ZWILCH: variants seen among roughly 807,000 people sequenced by gnomAD.
ZWILCH encodes the protein protein zwilch homolog.
In ZWILCH, 74 loss-of-function variants were observed where a neutral mutation model predicts 79.9. That is an observed-to-expected ratio of 0.93 (90% CI 0.77 to 1.12). The LOEUF (loss-of-function observed/expected upper bound fraction) is 1.12, where lower values mean the gene tolerates loss of function less well. Among genes scored for constraint, ZWILCH ranks in the 50% most tolerant of loss-of-function variants. The probability of loss-of-function intolerance (pLI) is 0.00; values close to 1 mark genes in which losing one functional copy is unlikely to be tolerated. For missense variants in ZWILCH, 694 were observed against 687.5 expected (o/e 1.01, Z -0.11); for synonymous variants, 241 against 228.2 (o/e 1.06, Z -0.51).
rs1203717295 is a variant in ZWILCH, at chr15:66,536,066, C to A, written c.1475C>A (p.Thr492Lys). Residue 492 changes from threonine to lysine, a missense_variant, in exon 15 of 19, where the codon ACA becomes AAA. Coordinates refer to ENST00000307897, the MANE Select transcript of ZWILCH (RefSeq NM_017975.5). ...KSQHELLFSL[T>K]QICIKYYKQN... ...CAACATGAACTCCTCTTTTCTTTAA[C>A]ACAGTAAGTACATCTGTATTCTTCA... 6.2e-7 allele frequency: 1 copy of A among 1,604,196 alleles called. No homozygotes were observed. Among genetic ancestry groups the A allele is most frequent in the Non-Finnish European group, 8.5e-7 (1 of 1,175,702 alleles).
chr15:66,510,502 A>G (rs1181801501), intron 2 of ZWILCH, among the ~76,000 whole-genome samples: 1 of 152,210 alleles, frequency 6.6e-6, no homozygotes, highest in Non-Finnish European at 1.5e-5. Flanking sequence ...TCACTGTCTG[A>G]ATTCTCACTA....
Position 66,540,201 on chromosome 15 carries a change from C to T in ZWILCH, c.1678C>T (p.His560Tyr), listed in dbSNP as rs1895150484. 1.9e-6 allele frequency: 3 copies of T among 1,607,918 alleles called. No homozygotes were observed. The highest frequency in any genetic ancestry group is 2.6e-6 in the Non-Finnish European group (3 of 1,175,856). The change falls in exon 17 of 19, where the codon CAC becomes TAC. Residue 560 changes from histidine to tyrosine, a missense_variant. Transcript: ENST00000307897. ...CTCACCCATAGACCATCTGAATTTT[C>T]ACAAACCTGGTAAAGATGGTTTATA... ...DSSPIDHLNFHKPDFSELTLN... is the reference protein window; with the variant it reads ...DSSPIDHLNFYKPDFSELTLN...
intron 16 of ZWILCH, 95 bp downstream of exon 16, chr15:66,537,358 G>A (rs1895048282): frequency 3.6e-6 from 3 of 844,396 alleles, no homozygotes; most frequent in African/African-American, 1.7e-5. Context: ...AGGAGTTCGA[G>A]ACCAGCCTGG....
In ZWILCH at chr15:66,515,625, T is replaced by G. The variant is rs1203399721; in HGVS notation, c.301T>G (p.Leu101Val). The part of the protein sequence containing the change: ...STGENVGPLA[L>V]PVGKARQLIG... ...TGGCGAAAATGTTGGACCACTTGCT[T>G]TACCAGTTGGGAAGGCAAGGTAGGT... Residue 101 changes from leucine to valine, a missense_variant, in exon 4 of 19, where the codon TTA becomes GTA. Leu to Val is a conservative substitution (Grantham distance 32). Transcript: ENST00000307897. The G allele has an allele frequency of 6.2e-7, 1 of 1,613,342 alleles. No individual in the cohort carries two copies. Among genetic ancestry groups the G allele is most frequent in the African/African-American group, 1.3e-5 (1 of 74,892 alleles).
At chr15:66,540,876 C>T (rs1321373180) in intron 17 of ZWILCH, among the ~76,000 whole-genome samples, 2 of 151,656 alleles carry the variant, frequency 1.3e-5, no homozygotes, top group Non-Finnish European at 2.9e-5. Context: ...ATCCACCTGC[C>T]TCAGCCTCCC....
In ZWILCH at chr15:66,549,457, G is replaced by A. The variant is rs1895512229; in HGVS notation, c.*1133G>A. 6.6e-6 allele frequency: 1 copy of A among 152,166 alleles called. No individual in the cohort carries two copies. The allele number at this position is 152,166 out of a possible 1,614,324, so 9.4% of individuals were successfully genotyped here. On this transcript the variant is annotated 3_prime_UTR_variant, in exon 19 of 19. Transcript: ENST00000307897. ...ATATTTCTCTGATTGCCCTTATGGA[G>A]AAATAAAGATAAAATTCAAAGAAAC... is the stretch of plus-strand genomic sequence containing the variant.
intron 12 of ZWILCH, among the ~76,000 whole-genome samples, chr15:66,529,807 A>G (rs1423077763): frequency 6.6e-6 from 1 of 152,204 alleles, no homozygotes; most frequent in Non-Finnish European, 1.5e-5. Flanking sequence ...TATCCATGTA[A>G]TGCACCTAGT....
intron 17 of ZWILCH, among the ~76,000 whole-genome samples, chr15:66,545,651 CT>C (rs1895346505): frequency 6.6e-6 from 1 of 152,140 alleles, no homozygotes; most frequent in Non-Finnish European, 1.5e-5. Context: ...TTGGCTTGAA[CT>C]TTATAACCTC....
chr15:66,517,008 T>A (rs1372459855), intron 4 of ZWILCH, among the ~76,000 whole-genome samples: 1 of 152,232 alleles, frequency 6.6e-6, no homozygotes, highest in African/African-American at 2.4e-5. Context: ...TTTACCTCTT[T>A]TTGGAAGTAA....
intron 4 of ZWILCH, 103 bp from the exon 5 acceptor site, chr15:66,518,776 A>G: frequency 9.1e-7 from 1 of 1,104,432 alleles, no homozygotes; most frequent in African/African-American, 1.5e-5. Flanking sequence ...GCACCACTGC[A>G]TTCCAGCCTG....
intron 5 of ZWILCH, 78 bp from the exon 6 acceptor site, chr15:66,520,512 T>G (rs1489124112): frequency 1.5e-5 from 11 of 729,272 alleles, no homozygotes; most frequent in Non-Finnish European, 2.6e-5. Flanking sequence ...ATTGAGAATG[T>G]GAGGGATTAC....
chr15:66,511,125 C>A (rs993788500), intron 2 of ZWILCH, among the ~76,000 whole-genome samples: 1 of 152,078 alleles, frequency 6.6e-6, no homozygotes, highest in Admixed American at 6.6e-5. Flanking sequence ...GCTTTAATAT[C>A]CAAACTAAGA....
chr15:66,529,525 T>A lies in ZWILCH; in HGVS notation c.1107T>A (p.Cys369Ter), dbSNP rs1894795412. The A allele has an allele frequency of 6.2e-7, 1 of 1,613,934 alleles. No homozygotes were observed. The highest frequency in any genetic ancestry group is 1.7e-5 in the Admixed American group (1 of 59,982). Residue 369 changes from cysteine (C) to a stop codon, truncating the protein, a stop_gained, in exon 12 of 19, where the codon TGT becomes TGA. Transcript: ENST00000307897. LOFTEE classifies it high-confidence loss of function. Reference protein sequence around the residue: ...SVISYQDLVKCFTLIIQSLQR... With the variant: ...SVISYQDLVK ...TTTCATACCAAGACTTGGTGAAGTG[T>A]TTCACATTGATCATCCAGAGTCTAC...
intron 2 of ZWILCH, among the ~76,000 whole-genome samples, chr15:66,510,837 T>A (rs1473726861): frequency 6.6e-6 from 1 of 152,208 alleles, no homozygotes; most frequent in Non-Finnish European, 1.5e-5. Context: ...TGTAGACACG[T>A]GGTATTCCCC....
rs1401560211 is a variant in ZWILCH, at chr15:66,527,325, A to G, written c.855A>G (p.Glu285=). 13 of 1,614,006 alleles carry G rather than the reference A, an allele frequency of 8.1e-6. No homozygotes were observed. Among genetic ancestry groups the G allele is most frequent in the Non-Finnish European group, 1.7e-6 (2 of 1,180,014 alleles). Residue 285 remains glutamate (E), a synonymous_variant, in exon 9 of 19, where the codon GAA becomes GAG. Transcript: ENST00000307897. ...LADGLRTGVT[E]WLEPLEAKSA... ...ATGGTTTGAGGACTGGTGTCACTGA[A>G]TGGCTCGAGCCCCTGGAAGCAAAAT...
At position 66,524,397 on chromosome 15, in the gene ZWILCH, T is replaced by A. The variant is rs1375545954; in HGVS notation, c.819+649T>A. On this transcript the variant is annotated intron_variant, in intron 8 of 18. Transcript: ENST00000307897. The stretch of plus-strand genomic sequence containing the variant: ...GTGCTTATTGGCTCCTGCTTATTTC[T>A]TTAGCTTAATCTCACACTTTACTTC... 2.0e-5 allele frequency: 3 copies of A among 152,256 alleles called. No individual in the cohort carries two copies. The East Asian group carries it at 5.8e-4, about 29-fold the overall frequency. The allele number at this position is 152,256 out of a possible 1,614,324, so 9.4% of individuals were successfully genotyped here.
At chr15:66,539,270 G>A (rs764767418) in intron 16 of ZWILCH, among the ~76,000 whole-genome samples, 8 of 151,966 alleles carry the variant, frequency 5.3e-5, no homozygotes, top group Non-Finnish European at 8.8e-5. Context: ...AGGCATGGTG[G>A]CATGCACCTG....
In ZWILCH at chr15:66,532,287, A is replaced by G; in HGVS notation, c.1196A>G (p.His399Arg). The G allele has an allele frequency of 1.9e-6, 3 of 1,606,246 alleles. No homozygotes were observed. The highest frequency in any genetic ancestry group is 2.5e-6 in the Non-Finnish European group (3 of 1,176,790). Reference sequence around the variant, plus strand: ...AACAGTTTACTAAGTAAGCTCATTCATCAGTCTTATCATGGAACCATGGAC... The same window carrying G: ...AACAGTTTACTAAGTAAGCTCATTCGTCAGTCTTATCATGGAACCATGGAC... ...GSNSLLSKLI[H>R]QSYHGTMDTV... is the part of the protein sequence containing the mutation. Residue 399 changes from histidine to arginine, a missense_variant, in exon 13 of 19, where the codon CAT becomes CGT. Physicochemically the swap from His to Arg is conservative, Grantham distance 29 (BLOSUM62 0). Coordinates refer to ENST00000307897, the MANE Select transcript of ZWILCH (RefSeq NM_017975.5).
chr15:66,546,053 G>A (rs1011408301), intron 17 of ZWILCH, among the ~76,000 whole-genome samples: 1 of 152,208 alleles, frequency 6.6e-6, no homozygotes, highest in African/African-American at 2.4e-5. Flanking sequence ...CCAGTGGAGT[G>A]CTGCTCACCC....
Sources: allele counts gnomAD v4.1 joint callset (sites outside exome capture counted in the v4.1 genomes callset), GRCh38; gene constraint gnomAD v4.1.1; transcripts MANE v1.5; gene names NCBI Gene and HGNC (gene_info 2026-07-23, HGNC 2026-07-21).